Variants in ELMOD1 observed in about 807,000 individuals in gnomAD.
The protein encoded by ELMOD1 is ELMO domain containing 1.
Under a neutral mutation model 46.7 loss-of-function variants are expected in ELMOD1, and 21 were observed. That is an observed-to-expected ratio of 0.45 (90% CI 0.32 to 0.65). The LOEUF (loss-of-function observed/expected upper bound fraction) is 0.65. Among genes scored for constraint, ELMOD1 ranks in the 30% least tolerant of loss-of-function variants. The probability of loss-of-function intolerance (pLI) is 0.04; values close to 1 mark genes in which losing one functional copy is unlikely to be tolerated. For missense variants in ELMOD1, 348 were observed against 407.8 expected, an observed-to-expected ratio of 0.85 and a Z score of 1.26; for synonymous variants, 122 against 138.2, an observed-to-expected ratio of 0.88 and a Z score of 0.82.
At chr11:107,602,789 G>A (rs926371618) in intron 1 of ELMOD1, among the ~76,000 whole-genome samples, 1 of 148,230 alleles carries the variant, frequency 6.7e-6, no homozygotes, top group Non-Finnish European at 1.5e-5. Flanking sequence ...ACGTCCCTTA[G>A]TTGTCTGATA....
Position 107,618,183 on chromosome 11 carries a change from G to C in ELMOD1, c.-7G>C. On this transcript the variant is annotated 5_prime_UTR_variant, in exon 2 of 12. Transcript: ENST00000265840. ...CATATAGCATCTGGACAGTCAACACGGGCACCATGAAGCACTTCCTGAGGT... is the reference window on the plus strand; with the variant it reads ...CATATAGCATCTGGACAGTCAACACCGGCACCATGAAGCACTTCCTGAGGT... The C allele has an allele frequency of 6.4e-7, 1 of 1,566,734 alleles. No individual in the cohort carries two copies. Among genetic ancestry groups the C allele is most frequent in the Non-Finnish European group, 8.7e-7 (1 of 1,154,752 alleles).
chr11:107,599,375 G>A (rs1242177004), intron 1 of ELMOD1, among the ~76,000 whole-genome samples: 3 of 151,980 alleles, frequency 2.0e-5, no homozygotes, highest in African/African-American at 7.3e-5. Flanking sequence ...ATATTTTACT[G>A]AATCTAAAAT....
chr11:107,607,704 A>G (rs1340015611), intron 1 of ELMOD1, among the ~76,000 whole-genome samples: 5 of 152,302 alleles, frequency 3.3e-5, no homozygotes, highest in Non-Finnish European at 7.4e-5. Context: ...GACAAATGGT[A>G]TTGAACCAAA....
chr11:107,623,800 A>G (rs1263906862), intron 2 of ELMOD1: 1 of 151,698 alleles, frequency 6.6e-6, no homozygotes, highest in Non-Finnish European at 1.5e-5. Context: ...TAAGTTCTTG[A>G]CTCATGTTCA....
In ELMOD1 at chr11:107,665,207, C is replaced by A; in HGVS notation, c.*10C>A. The stretch of plus-strand genomic sequence containing the variant: ...TTTAATCAACATGTAGTTGCCCACG[C>A]CGGTTTTAATGGATACCCTGGAACA... On this transcript the variant is annotated 3_prime_UTR_variant, in exon 12 of 12. Transcript: ENST00000265840. The A allele has an allele frequency of 6.2e-7, 1 of 1,613,058 alleles. No individual in the cohort carries two copies. The highest frequency in any genetic ancestry group is 1.3e-5 in the African/African-American group (1 of 75,014).
chr11:107,659,155 A>G (rs1048735353), intron 11 of ELMOD1, among the ~76,000 whole-genome samples: 2 of 152,116 alleles, frequency 1.3e-5, no homozygotes, highest in Admixed American at 1.3e-4. Context: ...GTGACTAGAG[A>G]TGGCACTGGA....
At chr11:107,661,191 C>T (rs474459) in intron 11 of ELMOD1, among the ~76,000 whole-genome samples, 36,602 of 151,994 alleles carry the variant, frequency 0.24, 8,881 homozygotes, top group African/African-American at 0.62. Flanking sequence ...CTGAGCATGG[C>T]GTCAGATTGT....
intron 9 of ELMOD1, chr11:107,653,869 C>G (rs1866573130): frequency 3.3e-6 from 1 of 300,636 alleles, no homozygotes; most frequent in African/African-American, 2.1e-5. Flanking sequence ...CTAGTTACCT[C>G]ACTAAATGTT....
intron 1 of ELMOD1, among the ~76,000 whole-genome samples, chr11:107,607,978 G>A (rs1865714279): frequency 6.8e-6 from 1 of 147,396 alleles, no homozygotes; most frequent in Admixed American, 6.8e-5. Context: ...ATTGTTAAAT[G>A]GAATTTTTTT....
At chr11:107,662,872 C>A (rs1866767111) in intron 11 of ELMOD1, among the ~76,000 whole-genome samples, 1 of 151,788 alleles carries the variant, frequency 6.6e-6, no homozygotes, top group African/African-American at 2.4e-5. Flanking sequence ...GCCTGGGCAA[C>A]AGAGCGAGAC....
intron 1 of ELMOD1, among the ~76,000 whole-genome samples, chr11:107,604,484 C>T (rs548031725): frequency 2.6e-4 from 39 of 152,124 alleles, no homozygotes; most frequent in Non-Finnish European, 5.4e-4. Flanking sequence ...AGCATCACAG[C>T]CCGGAATTTG....
intron 5 of ELMOD1, among the ~76,000 whole-genome samples, chr11:107,633,982 T>A (rs1019214200): frequency 6.6e-6 from 1 of 152,160 alleles, no homozygotes; most frequent in Non-Finnish European, 1.5e-5. Context: ...GTCCTGTACG[T>A]TTGGAGCAGG....
chr11:107,654,252 G>T, intron 10 of ELMOD1, 30 bp downstream of exon 10: 1 of 1,570,994 alleles, frequency 6.4e-7, no homozygotes, highest in Non-Finnish European at 8.7e-7. Flanking sequence ...TGGAAAGATG[G>T]TCCGTCTGAA....
At chr11:107,609,663 T>C (rs1565371961) in intron 1 of ELMOD1, among the ~76,000 whole-genome samples, 1 of 152,132 alleles carries the variant, frequency 6.6e-6, no homozygotes, top group Non-Finnish European at 1.5e-5. Flanking sequence ...TTTTCAGAAG[T>C]AGCAGACCAC....
At chr11:107,628,883 AT>A (rs1163351248) in intron 2 of ELMOD1, among the ~76,000 whole-genome samples, 1 of 152,098 alleles carries the variant, frequency 6.6e-6, no homozygotes, top group African/African-American at 2.4e-5. Flanking sequence ...TTTGTTGTGT[AT>A]CCTGCTTTAT....
intron 1 of ELMOD1, among the ~76,000 whole-genome samples, chr11:107,608,341 T>C (rs892537085): frequency 3.7e-5 from 5 of 133,682 alleles, no homozygotes; most frequent in Non-Finnish European, 7.7e-5. Flanking sequence ...CCACTAGATA[T>C]ATTTTATGTA....
At chr11:107,661,395 T>C (rs1349326429) in intron 11 of ELMOD1, among the ~76,000 whole-genome samples, 1 of 152,226 alleles carries the variant, frequency 6.6e-6, no homozygotes, top group Admixed American at 6.5e-5. Context: ...TTTATGTATA[T>C]TGCAGAAAAA....
intron 2 of ELMOD1, among the ~76,000 whole-genome samples, chr11:107,628,718 T>C (rs1467184132): frequency 1.3e-5 from 2 of 151,892 alleles, no homozygotes; most frequent in Admixed American, 1.3e-4. Context: ...ACTTTTGTAA[T>C]GGCTTTTGGT....
chr11:107,618,337 C>A, intron 2 of ELMOD1, 131 bp downstream of exon 2: 1 of 1,063,074 alleles, frequency 9.4e-7, no homozygotes, highest in Non-Finnish European at 1.4e-6. Flanking sequence ...AATAGCACTG[C>A]ATTTTTGCTA....
Sources: gnomAD v4.1 joint callset for allele counts (sites outside exome capture counted in the v4.1 genomes callset) on GRCh38, gnomAD v4.1.1 for gene constraint, MANE v1.5 for transcripts, NCBI Gene and HGNC (gene_info 2026-07-23, HGNC 2026-07-21) for gene names.